SSBP3: variants seen among roughly 807,000 people sequenced by gnomAD.
SSBP3 encodes single-stranded DNA-binding protein 3.
A neutral mutation model predicts 69.6 loss-of-function variants in SSBP3; 5 were observed. The ratio of observed to expected loss-of-function variants is 0.07; its 90% CI spans 0.04 to 0.15. The LOEUF (loss-of-function observed/expected upper bound fraction) is 0.15, where lower values mean the gene tolerates loss of function less well. Ranked by LOEUF, SSBP3 falls within the 10% of genes least tolerant of loss-of-function variation. SSBP3 has a pLI of 1.00. For missense variants in SSBP3, 312 were observed against 534.0 expected, an observed-to-expected ratio of 0.58 and a Z score of 4.10; for synonymous variants, 196 against 193.4, an observed-to-expected ratio of 1.01 and a Z score of -0.11.
intron 4 of SSBP3, among the ~76,000 whole-genome samples, chr1:54,339,424 A>C (rs143804095): frequency 1.7e-4 from 26 of 152,362 alleles, no homozygotes; most frequent in African/African-American, 6.3e-4. Context: ...TCCTGTCTGC[A>C]ACATTTTAGC....
chr1:54,333,752 A>G (rs1023051239), intron 4 of SSBP3, among the ~76,000 whole-genome samples: 2 of 152,190 alleles, frequency 1.3e-5, no homozygotes, highest in Non-Finnish European at 2.9e-5. Flanking sequence ...GGTGCCTGGT[A>G]CACAGTGAGG....
chr1:54,323,746 G>A (rs1187766048), intron 4 of SSBP3, among the ~76,000 whole-genome samples: 3 of 152,216 alleles, frequency 2.0e-5, no homozygotes, highest in Admixed American at 2.0e-4. Context: ...AGAAGGAGCA[G>A]AGGAAGGCTC....
upstream of SSBP3, among the ~76,000 whole-genome samples, chr1:54,408,417 G>C (rs929254958): frequency 6.6e-6 from 1 of 152,146 alleles, no homozygotes; most frequent in African/African-American, 2.4e-5. Context: ...ATTTTGAATG[G>C]GCTAGGAATG....
At chr1:54,410,213 G>A (rs1027476771), upstream of SSBP3, among the ~76,000 whole-genome samples, 3 of 152,212 alleles carry the variant, frequency 2.0e-5, no homozygotes, top group Non-Finnish European at 4.4e-5. Context: ...GAGTGAAGAC[G>A]GAGAGGTGAA....
At chr1:54,317,130 T>C (rs1214085072) in intron 4 of SSBP3, among the ~76,000 whole-genome samples, 1 of 152,212 alleles carries the variant, frequency 6.6e-6, no homozygotes, top group Non-Finnish European at 1.5e-5. Flanking sequence ...TGCAGTGTTA[T>C]GTACAATGGC....
chr1:54,368,246 C>T (rs550959282), intron 4 of SSBP3, among the ~76,000 whole-genome samples: 3 of 136,118 alleles, frequency 2.2e-5, no homozygotes, highest in Middle Eastern at 4.3e-3. Context: ...TGCAGTGAGC[C>T]AAGATCACGC....
intron 9 of SSBP3, among the ~76,000 whole-genome samples, chr1:54,243,907 C>A (rs1199941886): frequency 6.6e-6 from 1 of 152,138 alleles, no homozygotes; most frequent in African/African-American, 2.4e-5. Flanking sequence ...ACTCAGGGAT[C>A]ATCACTATGT....
intron 7 of SSBP3, among the ~76,000 whole-genome samples, chr1:54,252,836 G>A (rs1036364542): frequency 6.6e-6 from 1 of 152,222 alleles, no homozygotes; most frequent in Non-Finnish European, 1.5e-5. Flanking sequence ...CCTTCGAGAG[G>A]AAAAGCCTTT....
rs186416315 is a variant in SSBP3 at position 54,380,473 on chromosome 1, G to A, written c.276+21388C>T. Among the ~76,000 whole-genome samples, 39 of 152,298 alleles carry A rather than the reference G, an allele frequency of 2.6e-4. No homozygotes were observed. In the East Asian group the frequency reaches 7.1e-3, roughly 28 times the overall value. On this transcript the variant is annotated intron_variant, in intron 4 of 17. Transcript: ENST00000610401. Reference sequence around the variant, plus strand: ...GTCCTCGTGGAAAGAACGCCGTGCCGACACATGCTCCGAGTTAAAAACATT... The same window carrying A: ...GTCCTCGTGGAAAGAACGCCGTGCCAACACATGCTCCGAGTTAAAAACATT...
intron 14 of SSBP3, among the ~76,000 whole-genome samples, chr1:54,229,850 G>T (rs910643975): frequency 3.3e-5 from 5 of 152,180 alleles, no homozygotes; most frequent in Non-Finnish European, 5.9e-5. Flanking sequence ...CAGCCCAGAG[G>T]AGCAGCTCAC....
intron 4 of SSBP3, among the ~76,000 whole-genome samples, chr1:54,323,002 T>A (rs1249533147): frequency 3.3e-5 from 5 of 152,184 alleles, no homozygotes; most frequent in African/African-American, 9.7e-5. Flanking sequence ...AACTCTGACC[T>A]ATGATTTTCA....
At chr1:54,347,787 A>C (rs1187687318) in intron 4 of SSBP3, among the ~76,000 whole-genome samples, 1 of 149,964 alleles carries the variant, frequency 6.7e-6, no homozygotes, top group Non-Finnish European at 1.5e-5. Context: ...CAACGCTGGA[A>C]GATAAGAGAA....
intron 4 of SSBP3, among the ~76,000 whole-genome samples, chr1:54,366,308 G>C (rs1241713334): frequency 6.6e-6 from 1 of 152,102 alleles, no homozygotes; most frequent in Non-Finnish European, 1.5e-5. Flanking sequence ...TCCCTTTCCT[G>C]AGTACCTGGT....
At chr1:54,322,736 G>A (rs1201447064) in intron 4 of SSBP3, among the ~76,000 whole-genome samples, 3 of 151,374 alleles carry the variant, frequency 2.0e-5, no homozygotes, top group African/African-American at 4.9e-5. Context: ...CCCCAACCCC[G>A]GCACCTCAAC....
chr1:54,269,773 GAAC>G (rs1469101623), intron 5 of SSBP3, among the ~76,000 whole-genome samples: 3 of 152,248 alleles, frequency 2.0e-5, no homozygotes, highest in Admixed American at 6.5e-5. Flanking sequence ...TTGCCCTGTG[GAAC>G]AACAGCTGGT....
intron 4 of SSBP3, among the ~76,000 whole-genome samples, chr1:54,317,379 A>G (rs1646132016): frequency 6.6e-6 from 1 of 152,090 alleles, no homozygotes; most frequent in Non-Finnish European, 1.5e-5. Context: ...TCTACAAAAA[A>G]TACAAAAATG....
intron 13 of SSBP3, among the ~76,000 whole-genome samples, chr1:54,239,812 T>C (rs562199273): frequency 5.9e-5 from 9 of 152,292 alleles, no homozygotes; most frequent in Non-Finnish European, 8.8e-5. Context: ...GCTGAGCAGC[T>C]TCCCTGCTAT....
In SSBP3 at chr1:54,235,509, G is replaced by A. The variant is rs535604626; in HGVS notation, c.927+3620C>T. On this transcript the variant is annotated intron_variant, in intron 14 of 17. Coordinates refer to ENST00000610401, the Ensembl canonical transcript of SSBP3. The stretch of plus-strand genomic sequence containing the variant: ...CTCACTCTGTCACCCAGGCTGGAGC[G>A]CAGCGTTGCAATCTCAGCTCACTGC... Among the ~76,000 whole-genome samples the A allele has an allele frequency of 5.0e-5, 7 of 139,962 alleles. 1 individual carries two copies. The highest frequency in any genetic ancestry group is 4.6e-4 in the South Asian group (2 of 4,304). The allele number at this position is 139,962 out of a possible 152,430, so 91.8% of individuals were successfully genotyped here.
At position 54,255,928 on chromosome 1, in the gene SSBP3, C is replaced by T. The variant is rs557727410; in HGVS notation, c.507+1199G>A. ...CTCTATTATAAATACAAAAATTAGC[C>T]GGGCATGGTGGCGCACACCTGTAAT... On this transcript the variant is annotated intron_variant, in intron 7 of 17. Coordinates refer to ENST00000610401, the Ensembl canonical transcript of SSBP3. 2.2e-4 allele frequency among the ~76,000 whole-genome samples: 34 copies of T among 152,158 alleles called. No homozygotes were observed. The South Asian group carries it at 7.1e-3, about 32-fold the overall frequency.
Sources: gnomAD v4.1 joint callset for allele counts (sites outside exome capture counted in the v4.1 genomes callset) on GRCh38, gnomAD v4.1.1 for gene constraint, MANE v1.5 for transcripts, NCBI Gene and HGNC (gene_info 2026-07-23, HGNC 2026-07-21) for gene names.